CCDC85A: variants seen among roughly 807,000 people sequenced by gnomAD.
The protein encoded by CCDC85A is coiled-coil domain-containing protein 85A.
A neutral mutation model predicts 50.2 loss-of-function variants in CCDC85A; 38 were observed. The ratio of observed to expected loss-of-function variants is 0.76; its 90% confidence interval spans 0.58 to 0.99. CCDC85A has a LOEUF of 0.99. CCDC85A is among the 50% of genes least tolerant of loss of function. The pLI, the probability that CCDC85A is intolerant of heterozygous loss-of-function variation, is 0.00. For missense variants in CCDC85A, 820 were observed against 742.0 expected, an observed-to-expected ratio of 1.11 and a Z score of -1.22; for synonymous variants, 366 against 301.4, an observed-to-expected ratio of 1.21 and a Z score of -2.22.
intron 5 of CCDC85A, among the ~76,000 whole-genome samples, 178 bp from the exon 6 acceptor site, chr2:56,384,088 C>T (rs577282189): frequency 6.6e-6 from 1 of 151,802 alleles, no homozygotes; most frequent in East Asian, 2.0e-4. Flanking sequence ...CTAAGTAGTT[C>T]TTGTGTTTTA....
chr2:56,236,609 C>G (rs1421266999), intron 2 of CCDC85A, among the ~76,000 whole-genome samples: 1 of 152,088 alleles, frequency 6.6e-6, no homozygotes, highest in Non-Finnish European at 1.5e-5. Flanking sequence ...AACTCTCCAC[C>G]CACATATTTC....
intron 3 of CCDC85A, among the ~76,000 whole-genome samples, chr2:56,371,314 C>T (rs1345682960): frequency 1.3e-5 from 2 of 151,936 alleles, no homozygotes; most frequent in Admixed American, 6.6e-5. Context: ...GGTGCATTTT[C>T]TTTTTTCAAC....
At chr2:56,356,880 T>G (rs1460049284) in intron 3 of CCDC85A, among the ~76,000 whole-genome samples, 1 of 149,940 alleles carries the variant, frequency 6.7e-6, no homozygotes, top group African/African-American at 2.5e-5. Flanking sequence ...CCATCCTGGC[T>G]AACATGGTGA....
At chr2:56,323,161 G>A (rs1274419941) in intron 2 of CCDC85A, among the ~76,000 whole-genome samples, 4 of 152,068 alleles carry the variant, frequency 2.6e-5, no homozygotes, top group African/African-American at 4.8e-5. Context: ...GGTGAAGCGG[G>A]GAGGGATAGC....
At chr2:56,345,979 C>T (rs578176209) in intron 3 of CCDC85A, among the ~76,000 whole-genome samples, 13 of 152,228 alleles carry the variant, frequency 8.5e-5, no homozygotes, top group East Asian at 1.9e-4. Flanking sequence ...TTTATTAAAG[C>T]GTGTCCATTT....
At chr2:56,349,303 G>T (rs1674784073) in intron 3 of CCDC85A, among the ~76,000 whole-genome samples, 2 of 152,080 alleles carry the variant, frequency 1.3e-5, no homozygotes, top group South Asian at 2.1e-4. Context: ...TATAATTAAA[G>T]GAAAAAGGGT....
At chr2:56,299,164 G>T (rs954106277) in intron 2 of CCDC85A, among the ~76,000 whole-genome samples, 1 of 152,152 alleles carries the variant, frequency 6.6e-6, no homozygotes. Flanking sequence ...GAAGAGTAAA[G>T]GCTACACAGG....
chr2:56,279,674 A>G (rs1160403313), intron 2 of CCDC85A, among the ~76,000 whole-genome samples: 1 of 152,108 alleles, frequency 6.6e-6, no homozygotes, highest in Non-Finnish European at 1.5e-5. Flanking sequence ...ATTATGTGGT[A>G]TTTATTTTTC....
chr2:56,285,566 TATAATATAATTA>T (rs1018184184), intron 2 of CCDC85A, among the ~76,000 whole-genome samples: 1 of 145,696 alleles, frequency 6.9e-6, no homozygotes, highest in African/African-American at 2.5e-5. Context: ...TAATATATAA[TATAATATAATTA>T]ATAATATAAT....
chr2:56,216,895 G>A (rs573588037), intron 2 of CCDC85A, among the ~76,000 whole-genome samples: 308 of 151,920 alleles, frequency 2.0e-3, no homozygotes, highest in Non-Finnish European at 3.4e-3. Flanking sequence ...CCAAGGGAAT[G>A]TGAACTTGGG....
chr2:56,233,231 A>G (rs1351082839), intron 2 of CCDC85A, among the ~76,000 whole-genome samples: 1 of 152,180 alleles, frequency 6.6e-6, no homozygotes, highest in Non-Finnish European at 1.5e-5. Context: ...CCGGATAGGC[A>G]AGGAAATTGA....
At chr2:56,184,982 C>G (rs1558571691) in intron 1 of CCDC85A, 82 bp downstream of exon 1, 1 of 1,409,778 alleles carries the variant, frequency 7.1e-7, no homozygotes, top group Non-Finnish European at 9.3e-7. Flanking sequence ...GCAAACTTTC[C>G]CTCCCTCCCT....
rs375280018 is a variant in CCDC85A, at chr2:56,186,864, C to T, written c.276+1964C>T. 2.4e-4 allele frequency among the ~76,000 whole-genome samples: 36 copies of T among 152,286 alleles called. No homozygotes were observed. The South Asian group carries it at 6.8e-3, about 29-fold the overall frequency. On this transcript the variant is annotated intron_variant, in intron 1 of 5. Transcript: ENST00000407595. ...CCGTACACCCAAGTAAGAAAGTCTC[C>T]TTGTGATCTAGATTCATGACCTGGC... is the stretch of plus-strand genomic sequence containing the variant.
At chr2:56,317,626 A>G (rs6707281) in intron 2 of CCDC85A, among the ~76,000 whole-genome samples, 5,523 of 152,220 alleles carry the variant, frequency 0.036, 329 homozygotes, top group African/African-American at 0.12. Context: ...GGAAGGACTG[A>G]AAAAGGGTGC....
At chr2:56,290,262 A>G (rs768736495) in intron 2 of CCDC85A, among the ~76,000 whole-genome samples, 1 of 152,196 alleles carries the variant, frequency 6.6e-6, no homozygotes, top group African/African-American at 2.4e-5. Flanking sequence ...CATGTAAATG[A>G]TAGAGGTGTA....
At chr2:56,278,417 C>T (rs1242087581) in intron 2 of CCDC85A, among the ~76,000 whole-genome samples, 1 of 152,072 alleles carries the variant, frequency 6.6e-6, no homozygotes, top group South Asian at 2.1e-4. Context: ...CCAGAGCTTT[C>T]TGGTCACTTT....
At chr2:56,197,911 A>G (rs1486858040) in intron 2 of CCDC85A, among the ~76,000 whole-genome samples, 1 of 152,240 alleles carries the variant, frequency 6.6e-6, no homozygotes, top group African/African-American at 2.4e-5. Flanking sequence ...TTACATCCAG[A>G]TAGAAAAAGA....
chr2:56,314,112 G>A (rs560321570), intron 2 of CCDC85A, among the ~76,000 whole-genome samples: 4 of 148,584 alleles, frequency 2.7e-5, no homozygotes, highest in African/African-American at 5.0e-5. Flanking sequence ...GACCAGGGAC[G>A]GGAATCAAGG....
chr2:56,352,093 T>C (rs2104346802), intron 3 of CCDC85A, among the ~76,000 whole-genome samples: 1 of 152,322 alleles, frequency 6.6e-6, no homozygotes, highest in Non-Finnish European at 1.5e-5. Context: ...TTAAAAGTTT[T>C]CTACTTTTCA....
Sources: allele counts gnomAD v4.1 joint callset (sites outside exome capture counted in the v4.1 genomes callset), GRCh38; gene constraint gnomAD v4.1.1; transcripts MANE v1.5; gene names NCBI Gene and HGNC (gene_info 2026-07-23, HGNC 2026-07-21).